CSMD1: variants seen among roughly 807,000 people sequenced by gnomAD.
CSMD1 encodes CUB and Sushi multiple domains 1.
A neutral mutation model predicts 417.5 loss-of-function variants in CSMD1; 213 were observed. The ratio of observed to expected loss-of-function variants is 0.51; its 90% CI spans 0.46 to 0.57. The LOEUF (loss-of-function observed/expected upper bound fraction) is 0.57. CSMD1 is among the 20% of genes least tolerant of loss of function. The pLI is 0.00. For missense variants in CSMD1, 6,923 were observed against 4,529.7 expected (o/e 1.53, Z -15.17); for synonymous variants, 2,862 against 1,736.8 (o/e 1.65, Z -16.11).
chr8:3,324,113 C>T (rs1353743229), intron 23 of CSMD1, among the ~76,000 whole-genome samples: 1 of 146,396 alleles, frequency 6.8e-6, no homozygotes, highest in Non-Finnish European at 1.5e-5. Context: ...CTTCACCCCA[C>T]CTTTCATCAT....
At chr8:4,659,853 C>G (rs1056131300) in intron 1 of CSMD1, among the ~76,000 whole-genome samples, 1 of 151,558 alleles carries the variant, frequency 6.6e-6, no homozygotes, top group Admixed American at 6.6e-5. Context: ...ACATGCTAAA[C>G]AATAAAAATC....
At chr8:4,321,202 G>C (rs990820681) in intron 3 of CSMD1, among the ~76,000 whole-genome samples, 9 of 152,066 alleles carry the variant, frequency 5.9e-5, no homozygotes, top group African/African-American at 2.2e-4. Context: ...CAACATGTGT[G>C]TCCAGTGCAT....
intron 5 of CSMD1, among the ~76,000 whole-genome samples, chr8:3,863,899 C>G (rs1180480967): frequency 6.6e-6 from 1 of 152,046 alleles, no homozygotes; most frequent in African/African-American, 2.4e-5. Flanking sequence ...GACTATAAAA[C>G]TGACACGTAT....
chr8:3,274,279 TG>T (rs780118265), intron 26 of CSMD1, among the ~76,000 whole-genome samples: 1 of 152,164 alleles, frequency 6.6e-6, no homozygotes, highest in Non-Finnish European at 1.5e-5. Flanking sequence ...TTGATTGCAC[TG>T]TGGTCTGAGA....
chr8:3,431,462 G>C (rs987621346), intron 12 of CSMD1, among the ~76,000 whole-genome samples: 5 of 152,096 alleles, frequency 3.3e-5, no homozygotes, highest in African/African-American at 1.2e-4. Flanking sequence ...GTTTTAAAAG[G>C]CTATTTAACT....
At chr8:4,106,961 G>T (rs1220042856) in intron 3 of CSMD1, among the ~76,000 whole-genome samples, 1 of 152,190 alleles carries the variant, frequency 6.6e-6, no homozygotes, top group Admixed American at 6.5e-5. Context: ...ACAGGGAGAA[G>T]CTCTACGTCA....
At chr8:4,688,960 A>C (rs538811375) in intron 1 of CSMD1, among the ~76,000 whole-genome samples, 1 of 152,196 alleles carries the variant, frequency 6.6e-6, no homozygotes, top group Non-Finnish European at 1.5e-5. Context: ...AGAAATGGCC[A>C]TTTTCCAATT....
chr8:3,895,361 A>G (rs1395090270), intron 5 of CSMD1, among the ~76,000 whole-genome samples: 1 of 152,188 alleles, frequency 6.6e-6, no homozygotes, highest in East Asian at 1.9e-4. Flanking sequence ...TTTATAACAC[A>G]AGGGAAATAT....
At position 4,940,087 on chromosome 8, in the gene CSMD1, A is replaced by G. The variant is rs368271034; in HGVS notation, c.85+54245T>C. On this transcript the variant is annotated intron_variant, in intron 1 of 69. Coordinates refer to ENST00000635120, the MANE Select transcript of CSMD1 (RefSeq NM_033225.6). ...TAGGAGAACCGGGCAGAAAAGTTGCATGTGAACTACCGGGGGCTGCTGAGG... is the reference window on the plus strand; with the variant it reads ...TAGGAGAACCGGGCAGAAAAGTTGCGTGTGAACTACCGGGGGCTGCTGAGG... 5.4e-4 allele frequency among the ~76,000 whole-genome samples: 82 copies of G among 152,284 alleles called. 1 individual carries two copies. The South Asian group carries it at 0.015, about 28-fold the overall frequency.
At chr8:3,777,064 C>T (rs571884654) in intron 5 of CSMD1, among the ~76,000 whole-genome samples, 75 of 150,498 alleles carry the variant, frequency 5.0e-4, no homozygotes, top group African/African-American at 1.8e-3. Flanking sequence ...TATCTGTTTA[C>T]ATCTATCATG....
intron 12 of CSMD1, among the ~76,000 whole-genome samples, chr8:3,446,805 A>G (rs1254073400): frequency 6.6e-6 from 1 of 152,232 alleles, no homozygotes; most frequent in Non-Finnish European, 1.5e-5. Context: ...GGAAATATAA[A>G]TATGTATGGG....
chr8:3,362,946 C>A (rs745399379), intron 20 of CSMD1, among the ~76,000 whole-genome samples: 1 of 152,210 alleles, frequency 6.6e-6, no homozygotes, highest in Admixed American at 6.5e-5. Flanking sequence ...AAGCTCAGAT[C>A]ATGTCAAGCT....
chr8:4,494,969 G>C (rs1801904335), intron 2 of CSMD1, among the ~76,000 whole-genome samples: 1 of 151,938 alleles, frequency 6.6e-6, no homozygotes, highest in Non-Finnish European at 1.5e-5. Flanking sequence ...AAAAACAGTG[G>C]AGAAAATAAA....
At chr8:3,985,531 C>T (rs533968580) in intron 5 of CSMD1, among the ~76,000 whole-genome samples, 83 of 152,246 alleles carry the variant, frequency 5.5e-4, no homozygotes, top group African/African-American at 1.9e-3. Context: ...ACAACGAACA[C>T]ATCATTTTAC....
chr8:4,715,737 C>T (rs1277811043), intron 1 of CSMD1, among the ~76,000 whole-genome samples: 1 of 152,142 alleles, frequency 6.6e-6, no homozygotes, highest in Non-Finnish European at 1.5e-5. Flanking sequence ...CCCTCTCTTT[C>T]TCTCACACAT....
At chr8:3,310,498 TAAC>T (rs1198988833) in intron 23 of CSMD1, among the ~76,000 whole-genome samples, 1 of 152,170 alleles carries the variant, frequency 6.6e-6, no homozygotes, top group Admixed American at 6.5e-5. Flanking sequence ...TCCCTATTAA[TAAC>T]AAACAATCTT....
chr8:3,955,297 A>G (rs1439148808), intron 5 of CSMD1, among the ~76,000 whole-genome samples: 4 of 152,128 alleles, frequency 2.6e-5, no homozygotes, highest in African/African-American at 9.7e-5. Context: ...TCAACACCAA[A>G]CACACATCCA....
intron 5 of CSMD1, among the ~76,000 whole-genome samples, chr8:3,863,801 A>G (rs1013881847): frequency 7.2e-5 from 11 of 152,112 alleles, no homozygotes; most frequent in Non-Finnish European, 1.5e-5. Context: ...AAATTCTACA[A>G]TCTTCTATTA....
chr8:4,388,534 G>C (rs1262990293), intron 3 of CSMD1, among the ~76,000 whole-genome samples: 1 of 151,596 alleles, frequency 6.6e-6, no homozygotes, highest in Non-Finnish European at 1.5e-5. Context: ...AGGATACAGT[G>C]GATTTTGGGG....
Sources: allele counts gnomAD v4.1 joint callset (sites outside exome capture counted in the v4.1 genomes callset), GRCh38; gene constraint gnomAD v4.1.1; transcripts MANE v1.5; gene names NCBI Gene and HGNC (gene_info 2026-07-23, HGNC 2026-07-21).